The following IMMT variants were observed in gnomAD, a reference collection of about 807,000 sequenced individuals.
The protein encoded by IMMT is inner membrane mitochondrial protein.
A neutral mutation model predicts 92.7 loss-of-function variants in IMMT; 40 were observed. The ratio of observed to expected loss-of-function variants is 0.43; its 90% CI spans 0.34 to 0.56. The LOEUF (loss-of-function observed/expected upper bound fraction) is 0.56. IMMT is among the 20% of genes least tolerant of loss of function. The pLI, the probability that IMMT is intolerant of heterozygous loss-of-function variation, is 0.03. For missense variants in IMMT, 831 were observed against 912.1 expected, an observed-to-expected ratio of 0.91 and a Z score of 1.14; for synonymous variants, 322 against 336.1, an observed-to-expected ratio of 0.96 and a Z score of 0.46.
chr2:86,183,788 T>C (rs1255515626), intron 1 of IMMT, among the ~76,000 whole-genome samples: 1 of 152,202 alleles, frequency 6.6e-6, no homozygotes, highest in African/African-American at 2.4e-5. Flanking sequence ...CAATTCTCTA[T>C]TAAAGTTCAA....
intron 12 of IMMT, among the ~76,000 whole-genome samples, chr2:86,148,997 G>A (rs1187977537): frequency 6.6e-6 from 1 of 152,108 alleles, no homozygotes; most frequent in Non-Finnish European, 1.5e-5. Flanking sequence ...GGAGGCAGCA[G>A]ACAGTAAACA....
At chr2:86,179,850 A>C (rs1672299082) in intron 2 of IMMT, among the ~76,000 whole-genome samples, 1 of 152,140 alleles carries the variant, frequency 6.6e-6, no homozygotes, top group African/African-American at 2.4e-5. Flanking sequence ...CCTAGGTGGA[A>C]GGGTTGCTTG....
At chr2:86,170,392 C>A (rs1324882491) in intron 6 of IMMT, among the ~76,000 whole-genome samples, 6 of 152,168 alleles carry the variant, frequency 3.9e-5, no homozygotes, top group African/African-American at 1.2e-4. Flanking sequence ...GCACTCCAGT[C>A]TGGGTGACAG....
intron 1 of IMMT, among the ~76,000 whole-genome samples, chr2:86,189,887 T>C (rs1673011149): frequency 6.6e-6 from 1 of 152,232 alleles, no homozygotes; most frequent in Admixed American, 6.5e-5. Flanking sequence ...AATTTTACAT[T>C]TTACATTACA....
In IMMT at chr2:86,162,026, C is replaced by T; in HGVS notation, c.846G>A (p.Lys282=). Residue 282 remains lysine, a synonymous_variant, in exon 8 of 15, where the codon AAG becomes AAA. Coordinates refer to ENST00000410111, the MANE Select transcript of IMMT (RefSeq NM_006839.3). The part of the protein sequence containing the change: ...AQWRTVEGAL[K]ERRKAVDEAA... Reference sequence around the variant, plus strand: ...CTTCATCTACTGCCTTTCTGCGTTCCTTCAATGCACCCTCCACTGTGCGCC... The same window carrying T: ...CTTCATCTACTGCCTTTCTGCGTTCTTTCAATGCACCCTCCACTGTGCGCC... 11 of 1,607,978 alleles carry T rather than the reference C, an allele frequency of 6.8e-6. No homozygotes were observed. The highest frequency in any genetic ancestry group is 9.3e-6 in the Non-Finnish European group (11 of 1,177,236).
At chr2:86,147,313 TGAATA>T (rs1675096283) in intron 13 of IMMT, among the ~76,000 whole-genome samples, 1 of 152,194 alleles carries the variant, frequency 6.6e-6, no homozygotes, top group Admixed American at 6.5e-5. Flanking sequence ...AATGATTTCT[TGAATA>T]GAAACTATGA....
chr2:86,153,303 T>TTACACACA (rs779846818), intron 11 of IMMT, among the ~76,000 whole-genome samples: 10 of 49,646 alleles, frequency 2.0e-4, no homozygotes, highest in African/African-American at 8.5e-4. Context: ...ACAATCCATA[T>TTACACACA]TACACACACA....
chr2:86,170,797 C>T lies in IMMT; in HGVS notation c.607G>A (p.Ala203Thr), dbSNP rs772018229. 7 of 1,591,070 alleles carry T rather than the reference C, an allele frequency of 4.4e-6. No individual in the cohort carries two copies. In the East Asian group the frequency reaches 1.3e-4, roughly 31 times the overall value. Residue 203 changes from alanine to threonine, a missense_variant, in exon 6 of 15, where the codon GCA (alanine) becomes ACA (threonine). Coordinates refer to ENST00000410111, the MANE Select transcript of IMMT (RefSeq NM_006839.3). ...SIRERPPEEVAARLAQQEKQE... is the reference protein window; with the variant it reads ...SIRERPPEEVTARLAQQEKQE... ...TTTTCCTGTTGTGCAAGGCGAGCTG[C>T]AACTTCTTCAGGTGGTCGCTCCCTT...
chr2:86,155,949 T>C (rs111281297), intron 10 of IMMT, among the ~76,000 whole-genome samples: 2,767 of 152,310 alleles, frequency 0.018, 79 homozygotes, highest in African/African-American at 0.062. Flanking sequence ...AAATTTTGTA[T>C]TGTGAATATA....
rs367926853 is a variant in IMMT at position 86,166,465 on chromosome 2, A to C, written c.792+43T>G. The stretch of plus-strand genomic sequence containing the variant: ...CCTCGATTTTTCTTTTTGTCCTCCA[A>C]GTCATGACAGCCAGAACACTTCTAA... On this transcript the variant is annotated intron_variant, in intron 7 of 14. Transcript: ENST00000410111. 93 of 1,555,010 alleles carry C rather than the reference A, an allele frequency of 6.0e-5. No homozygotes were observed. The Middle Eastern group carries it at 7.1e-4, about 12-fold the overall frequency.
intron 1 of IMMT, among the ~76,000 whole-genome samples, chr2:86,188,409 A>G (rs1294618561): frequency 2.0e-5 from 3 of 152,084 alleles, no homozygotes; most frequent in Non-Finnish European, 4.4e-5. Flanking sequence ...GCGCACACAC[A>G]CACGCACACA....
chr2:86,144,814 C>G lies in IMMT; in HGVS notation c.1731G>C (p.Lys577Asn). The G allele has an allele frequency of 6.2e-7, 1 of 1,612,248 alleles. No homozygotes were observed. Among genetic ancestry groups the G allele is most frequent in the Admixed American group, 1.7e-5 (1 of 60,014 alleles). ...HQLWLSVEAL[K>N]YSMKTSSAET... ...CTGCAGATGAGGTCTTCATGCTGTA[C>G]TTTAATGCCTCCACTGAAAGCCAGA... The change falls in exon 15 of 15, where the codon AAG (lysine) becomes AAC (asparagine). Residue 577 changes from lysine to asparagine, a missense_variant. Transcript: ENST00000410111.
chr2:86,146,031 GA>G, intron 14 of IMMT, 36 bp downstream of exon 14: 1 of 1,445,388 alleles, frequency 6.9e-7, no homozygotes, highest in Non-Finnish European at 9.3e-7. Context: ...TTATGCTGAG[GA>G]AAATTATCTG....
Position 86,179,854 on chromosome 2 carries a change from T to C in IMMT, c.120-232A>G, listed in dbSNP as rs1002260265. Among the ~76,000 whole-genome samples the C allele has an allele frequency of 2.0e-5, 3 of 151,730 alleles. No individual in the cohort carries two copies. In the East Asian group the frequency reaches 5.8e-4, roughly 29 times the overall value. On this transcript the variant is annotated intron_variant, in intron 2 of 14. Coordinates refer to ENST00000410111, the MANE Select transcript of IMMT (RefSeq NM_006839.3). ...ATTTTAGGAGGCCTAGGTGGAAGGG[T>C]TGCTTGAGCCCAGGAGTTCAAAACC... is the stretch of plus-strand genomic sequence containing the variant.
chr2:86,158,802 C>A, intron 9 of IMMT, 81 bp from the exon 10 acceptor site: 2 of 1,130,680 alleles, frequency 1.8e-6, no homozygotes, highest in South Asian at 1.6e-5. Context: ...AGTATTCCTT[C>A]ATTTGTTTAC....
At chr2:86,191,747 C>CAAAAAAAAAAAA (rs572412565) in intron 1 of IMMT, among the ~76,000 whole-genome samples, 3 of 116,856 alleles carry the variant, frequency 2.6e-5, no homozygotes, top group African/African-American at 3.4e-5. Context: ...ACTAAAAATA[C>CAAAAAAAAAAAA]AAAAAAAAAA....
At chr2:86,152,482 C>CAAA (rs1675541249) in intron 11 of IMMT, among the ~76,000 whole-genome samples, 1 of 148,320 alleles carries the variant, frequency 6.7e-6, no homozygotes, top group Non-Finnish European at 1.5e-5. Flanking sequence ...CTCCACCGGC[C>CAAA]AGACACAGTA....
chr2:86,144,703 T>G lies in IMMT; in HGVS notation c.1842A>C (p.Ala614=). The change falls in exon 15 of 15, where the codon GCA becomes GCC. Residue 614 remains alanine, a synonymous_variant. Coordinates refer to ENST00000410111, the MANE Select transcript of IMMT (RefSeq NM_006839.3). ...GGGTCAGGGACTCTGGAGGGATAGCTGCGGTTAAAGCTTGGGTGAATTCAT... is the reference window on the plus strand; with the variant it reads ...GGGTCAGGGACTCTGGAGGGATAGCGGCGGTTAAAGCTTGGGTGAATTCAT... ...SDNEFTQALT[A]AIPPESLTRG... 6.2e-7 allele frequency: 1 copy of G among 1,614,016 alleles called. No individual in the cohort carries two copies. The highest frequency in any genetic ancestry group is 8.5e-7 in the Non-Finnish European group (1 of 1,179,904).
Position 86,195,331 on chromosome 2 carries a change from T to C in IMMT, c.45+7A>G, listed in dbSNP as rs1275521638. 2.6e-6 allele frequency: 4 copies of C among 1,547,260 alleles called. No homozygotes were observed. In the African/African-American group the frequency reaches 5.5e-5, roughly 21 times the overall value. ...CCTCACGCGCCTCCGGGAGCCCCAG[T>C]GCTCACCTGGGCGGCGGCGGTCACA... On this transcript the variant is annotated splice_region_variant and intron_variant, in intron 1 of 14. Coordinates refer to ENST00000410111, the MANE Select transcript of IMMT (RefSeq NM_006839.3).
Sources: gnomAD v4.1 joint callset for allele counts (sites outside exome capture counted in the v4.1 genomes callset) on GRCh38, gnomAD v4.1.1 for gene constraint, MANE v1.5 for transcripts, NCBI Gene and HGNC (gene_info 2026-07-23, HGNC 2026-07-21) for gene names.